GRIA3: variants seen among roughly 807,000 people sequenced by gnomAD.
GRIA3 encodes glutamate ionotropic receptor AMPA type subunit 3.
A neutral mutation model predicts 63.0 loss-of-function variants in GRIA3; 3 were observed. The ratio of observed to expected loss-of-function variants is 0.05; its 90% confidence interval spans 0.02 to 0.12. The LOEUF is 0.12. Among genes scored for constraint, GRIA3 ranks in the 10% least tolerant of loss-of-function variants. The pLI, the probability that GRIA3 is intolerant of heterozygous loss-of-function variation, is 1.00. For missense variants in GRIA3, 347 were observed against 700.9 expected (o/e 0.50, Z 5.70); for synonymous variants, 274 against 257.9 (o/e 1.06, Z -0.60).
At chrX:123,421,396 T>G (rs2045563856) in intron 11 of GRIA3, among the ~76,000 whole-genome samples, 1 of 112,234 alleles carries the variant, frequency 8.9e-6, no homozygotes, top group African/African-American at 3.2e-5. Context: ...ACTGTGATGT[T>G]TCTAGAACTA....
chrX:123,203,800 C>T (rs1333457912), intron 2 of GRIA3, among the ~76,000 whole-genome samples: 1 of 111,922 alleles, frequency 8.9e-6, no homozygotes, highest in Non-Finnish European at 1.9e-5. Flanking sequence ...GGCTTTAAAG[C>T]TAGAGCTAGC....
At chrX:123,257,997 A>C (rs1175724980) in intron 3 of GRIA3, among the ~76,000 whole-genome samples, 2 of 112,471 alleles carry the variant, frequency 1.8e-5, no homozygotes, top group Non-Finnish European at 3.8e-5. Flanking sequence ...CAAAGTTGAA[A>C]ATTACTTTCT....
chrX:123,241,637 C>T (rs748691434), intron 2 of GRIA3, among the ~76,000 whole-genome samples: 10 of 110,424 alleles, frequency 9.1e-5, no homozygotes, highest in East Asian at 2.9e-4. Flanking sequence ...CAATCCTGGA[C>T]GCCAAACTTT....
chrX:123,349,506 T>A (rs1454907333), intron 4 of GRIA3, among the ~76,000 whole-genome samples: 1 of 112,896 alleles, frequency 8.9e-6, no homozygotes, highest in Non-Finnish European at 1.9e-5. Context: ...ATTTGATGCC[T>A]TATTCAATTG....
At chrX:123,318,031 C>T (rs2044843651) in intron 3 of GRIA3, among the ~76,000 whole-genome samples, 1 of 112,687 alleles carries the variant, frequency 8.9e-6, no homozygotes, top group Non-Finnish European at 1.9e-5. Flanking sequence ...GGCTCAACAC[C>T]ACATGGAAGC....
At chrX:123,291,402 C>T (rs1017542793) in intron 3 of GRIA3, among the ~76,000 whole-genome samples, 3 of 110,421 alleles carry the variant, frequency 2.7e-5, no homozygotes, top group Non-Finnish European at 5.7e-5. Context: ...CAACAGACAC[C>T]GGGAACTACT....
chrX:123,453,596 T>C (rs774260817), intron 12 of GRIA3, among the ~76,000 whole-genome samples: 6 of 107,814 alleles, frequency 5.6e-5, no homozygotes, highest in Admixed American at 2.0e-4. Context: ...AAGGTGAAGG[T>C]ACATAGCAAA....
intron 12 of GRIA3, among the ~76,000 whole-genome samples, chrX:123,449,593 C>A (rs138340007): frequency 5.4e-5 from 6 of 111,988 alleles, no homozygotes; most frequent in Non-Finnish European, 7.5e-5. Flanking sequence ...TTTAAATCAG[C>A]ATAGCACCTT....
intron 2 of GRIA3, among the ~76,000 whole-genome samples, chrX:123,196,065 G>T (rs763280445): frequency 1.4e-4 from 16 of 111,094 alleles, no homozygotes; most frequent in Admixed American, 2.9e-4. Flanking sequence ...CACCATTGGT[G>T]GGGGGAGGCT....
intron 11 of GRIA3, among the ~76,000 whole-genome samples, chrX:123,426,422 C>T (rs759752629): frequency 8.9e-6 from 1 of 111,937 alleles, no homozygotes; most frequent in Non-Finnish European, 1.9e-5. Context: ...ACCCTGTCTG[C>T]ACCTTGAGAG....
intron 2 of GRIA3, among the ~76,000 whole-genome samples, chrX:123,197,981 C>G (rs1468515790): frequency 8.9e-6 from 1 of 112,326 alleles, no homozygotes; most frequent in Non-Finnish European, 1.9e-5. Context: ...GCCCTGGAGT[C>G]AAGAGCCCGA....
chrX:123,360,144 T>C (rs1353660511), intron 5 of GRIA3, among the ~76,000 whole-genome samples: 1 of 111,049 alleles, frequency 9.0e-6, no homozygotes, highest in Non-Finnish European at 1.9e-5. Flanking sequence ...AAAATATATA[T>C]AACTTGCCCA....
At chrX:123,194,435 G>A (rs1422948956) in intron 2 of GRIA3, among the ~76,000 whole-genome samples, 2 of 111,412 alleles carry the variant, frequency 1.8e-5, no homozygotes, top group Non-Finnish European at 3.8e-5. Context: ...GTGTATGGGT[G>A]TGGGTACAGG....
chrX:123,486,671 G>A (rs1023992547), intron 15 of GRIA3, among the ~76,000 whole-genome samples: 1 of 112,052 alleles, frequency 8.9e-6, no homozygotes, highest in African/African-American at 3.2e-5. Flanking sequence ...AGTGAAGAGT[G>A]AGATCTTCAC....
At chrX:123,382,895 C>T (rs1418616285) in intron 5 of GRIA3, among the ~76,000 whole-genome samples, 1 of 111,780 alleles carries the variant, frequency 8.9e-6, no homozygotes, top group Non-Finnish European at 1.9e-5. Flanking sequence ...AGAGATACTG[C>T]TTTCTAGTGC....
chrX:123,362,473 G>A (rs1032840124), intron 5 of GRIA3, among the ~76,000 whole-genome samples: 4 of 111,322 alleles, frequency 3.6e-5, no homozygotes, highest in African/African-American at 1.3e-4. Flanking sequence ...AAGTCCTGAG[G>A]CAGAAAACAG....
intron 11 of GRIA3, among the ~76,000 whole-genome samples, chrX:123,425,767 G>A (rs1603147889): frequency 1.8e-5 from 2 of 111,690 alleles, no homozygotes; most frequent in East Asian, 5.6e-4. Flanking sequence ...AAAGCTAAAA[G>A]TGATCATGTT....
intron 12 of GRIA3, among the ~76,000 whole-genome samples, chrX:123,453,596 T>A (rs774260817): frequency 9.3e-6 from 1 of 107,861 alleles, no homozygotes; most frequent in South Asian, 4.0e-4. Context: ...AAGGTGAAGG[T>A]ACATAGCAAA....
intron 10 of GRIA3, among the ~76,000 whole-genome samples, chrX:123,406,707 T>A (rs993664909): frequency 1.8e-5 from 2 of 111,376 alleles, no homozygotes; most frequent in Admixed American, 9.5e-5. Flanking sequence ...AGATCGGTCC[T>A]GGGAACTGAG....
Sources: allele counts gnomAD v4.1 joint callset (sites outside exome capture counted in the v4.1 genomes callset), GRCh38; gene constraint gnomAD v4.1.1; transcripts MANE v1.5; gene names NCBI Gene and HGNC (gene_info 2026-07-23, HGNC 2026-07-21).